PLXNA4: variants seen among roughly 807,000 people sequenced by gnomAD.
PLXNA4 encodes plexin A4.
Under a neutral mutation model 191.8 loss-of-function variants are expected in PLXNA4, and 44 were observed. The observed-to-expected ratio is 0.23, with a 90% confidence interval of 0.18 to 0.29. The LOEUF (loss-of-function observed/expected upper bound fraction) is 0.29, where lower values mean the gene tolerates loss of function less well. PLXNA4 is among the 10% of genes least tolerant of loss of function. The pLI, the probability that PLXNA4 is intolerant of heterozygous loss-of-function variation, is 1.00. For missense variants in PLXNA4, 1,800 were observed against 2,488.8 expected (o/e 0.72, Z 5.89); for synonymous variants, 1,082 against 1,009.5 (o/e 1.07, Z -1.36).
chr7:132,350,890 T>C (rs1308696794), intron 3 of PLXNA4, among the ~76,000 whole-genome samples: 1 of 152,202 alleles, frequency 6.6e-6, no homozygotes, highest in Non-Finnish European at 1.5e-5. Context: ...AATGCAAAAG[T>C]CCATCAGATA....
intron 2 of PLXNA4, among the ~76,000 whole-genome samples, chr7:132,635,134 T>C (rs1276483721): frequency 6.7e-6 from 1 of 149,728 alleles, no homozygotes; most frequent in Non-Finnish European, 1.5e-5. Flanking sequence ...TGTGGGACCT[T>C]GTGATGGTGT....
At chr7:132,192,416 G>A (rs1191414173) in intron 14 of PLXNA4, among the ~76,000 whole-genome samples, 1 of 151,952 alleles carries the variant, frequency 6.6e-6, no homozygotes, top group African/African-American at 2.4e-5. Context: ...GAGGAGGAAG[G>A]CAGATGAGAT....
intron 3 of PLXNA4, among the ~76,000 whole-genome samples, chr7:132,376,224 C>T (rs1442831385): frequency 6.6e-6 from 1 of 152,210 alleles, no homozygotes; most frequent in Non-Finnish European, 1.5e-5. Flanking sequence ...GGCCGAGGGA[C>T]TGTACCAACT....
At chr7:132,225,505 C>G (rs758779643) in intron 8 of PLXNA4, among the ~76,000 whole-genome samples, 1 of 152,186 alleles carries the variant, frequency 6.6e-6, no homozygotes, top group Non-Finnish European at 1.5e-5. Context: ...TCAGCTGGTC[C>G]GGCTACAGAG....
At chr7:132,264,074 A>G (rs951631991) in intron 4 of PLXNA4, 2 of 152,198 alleles carry the variant, frequency 1.3e-5, no homozygotes, top group African/African-American at 4.8e-5. Flanking sequence ...ATTATTTCAG[A>G]TATCCCGCTG....
chr7:132,209,948 G>T (rs1350597365), intron 10 of PLXNA4, among the ~76,000 whole-genome samples: 1 of 152,154 alleles, frequency 6.6e-6, no homozygotes, highest in Non-Finnish European at 1.5e-5. Context: ...ATAGAGCTCA[G>T]CTTCTGGGCC....
At chr7:132,605,208 A>G (rs531828185) in intron 2 of PLXNA4, among the ~76,000 whole-genome samples, 1 of 152,372 alleles carries the variant, frequency 6.6e-6, no homozygotes, top group African/African-American at 2.4e-5. Flanking sequence ...TCACACAGTT[A>G]GGAAACGGCA....
intron 27 of PLXNA4, among the ~76,000 whole-genome samples, chr7:132,147,440 T>C (rs1053000415): frequency 1.3e-5 from 2 of 152,170 alleles, no homozygotes; most frequent in Admixed American, 6.5e-5. Context: ...TTCTGGCTTC[T>C]ACCCCACCTC....
At chr7:132,180,808 A>T in intron 18 of PLXNA4, 76 bp from the exon 19 acceptor site, 1 of 1,563,018 alleles carries the variant, frequency 6.4e-7, no homozygotes. Flanking sequence ...ATGTCCTCCC[A>T]CCTGGAGGTC....
intron 4 of PLXNA4, among the ~76,000 whole-genome samples, chr7:132,242,380 T>C (rs949950479): frequency 2.6e-5 from 4 of 152,190 alleles, no homozygotes; most frequent in African/African-American, 7.2e-5. Context: ...CCTGCTGTTT[T>C]ATGGGGCATG....
intron 14 of PLXNA4, among the ~76,000 whole-genome samples, chr7:132,189,855 T>C (rs749926714): frequency 8.5e-5 from 13 of 152,174 alleles, no homozygotes; most frequent in Non-Finnish European, 1.8e-4. Context: ...TGGGCCTCAA[T>C]GACACAACCC....
intron 3 of PLXNA4, among the ~76,000 whole-genome samples, chr7:132,332,192 G>A (rs1452376374): frequency 2.0e-5 from 3 of 152,156 alleles, no homozygotes; most frequent in African/African-American, 7.2e-5. Flanking sequence ...TGCCCACGTC[G>A]AGTGTGGAAA....
intron 4 of PLXNA4, among the ~76,000 whole-genome samples, chr7:132,252,367 A>G (rs954854586): frequency 5.9e-5 from 7 of 118,568 alleles, no homozygotes; most frequent in African/African-American, 1.6e-4. Flanking sequence ...GCTGGAGTGC[A>G]GTGGTGTGAT....
At chr7:132,301,125 A>G (rs1001370156) in intron 3 of PLXNA4, among the ~76,000 whole-genome samples, 1 of 152,198 alleles carries the variant, frequency 6.6e-6, no homozygotes. Flanking sequence ...CCAGCGAGAA[A>G]TATGTAACTG....
chr7:132,316,057 G>T (rs564894296), intron 3 of PLXNA4, among the ~76,000 whole-genome samples: 1 of 152,142 alleles, frequency 6.6e-6, no homozygotes, highest in Non-Finnish European at 1.5e-5. Flanking sequence ...TTCATAAACT[G>T]GAGATAATAA....
intron 8 of PLXNA4, among the ~76,000 whole-genome samples, chr7:132,225,625 C>CCA (rs374389563): frequency 1.4e-5 from 2 of 145,182 alleles, no homozygotes; most frequent in Admixed American, 8.6e-5. Context: ...CGCCCCCCCC[C>CCA]ACAGCTTTCT....
At chr7:132,452,923 G>A in intron 3 of PLXNA4, among the ~76,000 whole-genome samples, 1 of 152,154 alleles carries the variant, frequency 6.6e-6, no homozygotes, top group East Asian at 1.9e-4. Flanking sequence ...ATATGTGTTG[G>A]GGTAGAGGCG....
chr7:132,325,447 C>T (rs969951861), intron 3 of PLXNA4, among the ~76,000 whole-genome samples: 1 of 152,204 alleles, frequency 6.6e-6, no homozygotes, highest in African/African-American at 2.4e-5. Flanking sequence ...TCCTAAGCCC[C>T]AGTACCTGTG....
intron 9 of PLXNA4, among the ~76,000 whole-genome samples, chr7:132,216,279 T>C (rs1328912048): frequency 6.6e-6 from 1 of 152,232 alleles, no homozygotes; most frequent in Non-Finnish European, 1.5e-5. Flanking sequence ...CCACTATTAA[T>C]AGCTGATAAT....
Sources: allele counts gnomAD v4.1 joint callset (sites outside exome capture counted in the v4.1 genomes callset), GRCh38; gene constraint gnomAD v4.1.1; transcripts MANE v1.5; gene names NCBI Gene and HGNC (gene_info 2026-07-23, HGNC 2026-07-21).